CACNA2D1: variants seen among roughly 807,000 people sequenced by gnomAD.
CACNA2D1 encodes the protein calcium voltage-gated channel auxiliary subunit alpha2delta 1.
CACNA2D1 carries 53 observed loss-of-function variants against 171.5 expected under a neutral mutation model. The observed-to-expected ratio is 0.31, with a 90% CI of 0.25 to 0.39. The LOEUF is 0.39. CACNA2D1 is among the 10% of genes least tolerant of loss of function. The pLI, the probability that CACNA2D1 is intolerant of heterozygous loss-of-function variation, is 1.00. For missense variants in CACNA2D1, 903 were observed against 1,299.8 expected (o/e 0.69, Z 4.69); for synonymous variants, 442 against 443.1 (o/e 1.00, Z 0.03).
chr7:81,965,125 T>C (rs1794584922), intron 32 of CACNA2D1, among the ~76,000 whole-genome samples: 1 of 151,944 alleles, frequency 6.6e-6, no homozygotes. Context: ...GAGATATTTT[T>C]GCTTTGTTTT....
chr7:82,296,044 A>G (rs894773876), intron 3 of CACNA2D1, among the ~76,000 whole-genome samples: 3 of 149,202 alleles, frequency 2.0e-5, no homozygotes, highest in Admixed American at 6.7e-5. Context: ...TCACTCATAG[A>G]TGGGAATTGA....
intron 1 of CACNA2D1, among the ~76,000 whole-genome samples, chr7:82,394,368 G>A (rs927503821): frequency 6.6e-6 from 1 of 151,758 alleles, no homozygotes; most frequent in Non-Finnish European, 1.5e-5. Context: ...CGAAACAAAG[G>A]AAAAATAGGA....
chr7:81,979,292 A>G (rs986662460), intron 24 of CACNA2D1, among the ~76,000 whole-genome samples: 13 of 150,794 alleles, frequency 8.6e-5, no homozygotes, highest in Non-Finnish European at 1.6e-4. Context: ...ATATTTTAAA[A>G]CTTTGAATTG....
chr7:82,393,684 C>T (rs932871005), intron 1 of CACNA2D1, among the ~76,000 whole-genome samples: 1 of 152,094 alleles, frequency 6.6e-6, no homozygotes, highest in Non-Finnish European at 1.5e-5. Context: ...CTAAATGCTG[C>T]ACTGTATTTA....
intron 3 of CACNA2D1, among the ~76,000 whole-genome samples, chr7:82,244,016 G>C (rs1282406845): frequency 6.6e-6 from 1 of 152,130 alleles, no homozygotes; most frequent in African/African-American, 2.4e-5. Flanking sequence ...TTTAGATGTA[G>C]AAACTCTTTC....
intron 10 of CACNA2D1, chr7:82,050,526 G>C (rs557636408): frequency 2.9e-6 from 2 of 700,714 alleles, no homozygotes; most frequent in Non-Finnish European, 5.2e-6. Flanking sequence ...TTATACAGGG[G>C]CTTCTGATGG....
chr7:82,000,938 C>A (rs1798550513), intron 18 of CACNA2D1, among the ~76,000 whole-genome samples: 1 of 151,338 alleles, frequency 6.6e-6, no homozygotes, highest in South Asian at 2.1e-4. Context: ...CTTAATGTCA[C>A]CAACTTTTTC....
chr7:82,071,083 T>C (rs1808265677), intron 7 of CACNA2D1, among the ~76,000 whole-genome samples: 2 of 152,204 alleles, frequency 1.3e-5, no homozygotes, highest in East Asian at 3.9e-4. Context: ...GTTGATGTTG[T>C]GTTACTAACG....
At chr7:82,270,199 T>C (rs535310058) in intron 3 of CACNA2D1, among the ~76,000 whole-genome samples, 3 of 152,298 alleles carry the variant, frequency 2.0e-5, no homozygotes, top group South Asian at 4.1e-4. Context: ...TTTGCTTTTT[T>C]AGTATTTATC....
chr7:82,055,391 G>C (rs1323421885), intron 10 of CACNA2D1, among the ~76,000 whole-genome samples: 1 of 151,942 alleles, frequency 6.6e-6, no homozygotes, highest in Non-Finnish European at 1.5e-5. Context: ...AGTACCATTT[G>C]ACCCAGCCAT....
intron 1 of CACNA2D1, among the ~76,000 whole-genome samples, chr7:82,428,413 TTTTA>T (rs1013425339): frequency 2.0e-5 from 3 of 152,142 alleles, no homozygotes; most frequent in Admixed American, 2.0e-4. Flanking sequence ...ATCTGTTGCA[TTTTA>T]TTTATTTATT....
intron 3 of CACNA2D1, among the ~76,000 whole-genome samples, chr7:82,176,450 G>T (rs1423540671): frequency 1.3e-5 from 2 of 151,960 alleles, no homozygotes; most frequent in Non-Finnish European, 2.9e-5. Context: ...CATGTGCAGA[G>T]AAATTGCTCT....
intron 10 of CACNA2D1, among the ~76,000 whole-genome samples, chr7:82,057,269 C>T (rs1806025262): frequency 6.6e-6 from 1 of 152,092 alleles, no homozygotes; most frequent in South Asian, 2.1e-4. Flanking sequence ...TTCTCCTCCA[C>T]CCCCCTGGCT....
rs192149368 is a variant in CACNA2D1 at position 82,399,586 on chromosome 7, G to A, written c.95+43779C>T. ...GTTTACATTTCCCATTTATAAACAA[G>A]CAGACAGGGAGACTGGCGAATCTTG... On this transcript the variant is annotated intron_variant, in intron 1 of 38. Coordinates refer to ENST00000356860, the MANE Select transcript of CACNA2D1 (RefSeq NM_000722.4). 1.1e-3 allele frequency among the ~76,000 whole-genome samples: 170 copies of A among 151,962 alleles called. 3 individuals carry two copies. In the East Asian group the frequency reaches 0.031, roughly 28 times the overall value.
intron 18 of CACNA2D1, chr7:82,001,632 G>A: frequency 8.9e-6 from 9 of 1,006,408 alleles, no homozygotes; most frequent in Non-Finnish European, 9.6e-6. Flanking sequence ...TGAAAGCACT[G>A]TTAAGGCTAC....
chr7:82,410,028 G>A (rs1827482240), intron 1 of CACNA2D1, among the ~76,000 whole-genome samples: 1 of 152,140 alleles, frequency 6.6e-6, no homozygotes, highest in Non-Finnish European at 1.5e-5. Flanking sequence ...GAAAAATAAA[G>A]TATTATAATC....
chr7:82,156,651 AAG>A (rs66583392), intron 4 of CACNA2D1, among the ~76,000 whole-genome samples: 3 of 12,418 alleles, frequency 2.4e-4, no homozygotes, highest in African/African-American at 1.5e-3. Context: ...TTCTTTTAAT[AAG>A]AGAGATCAAT....
intron 16 of CACNA2D1, 62 bp from the exon 17 acceptor site, chr7:82,005,901 A>T: frequency 1.1e-6 from 1 of 925,698 alleles, no homozygotes; most frequent in South Asian, 1.3e-5. Context: ...TTACACAATT[A>T]TCATATGATC....
chr7:82,150,257 T>TAAAAAAAAA lies in CACNA2D1; in HGVS notation c.355-13590_355-13582dup, dbSNP rs565121488. Among the ~76,000 whole-genome samples the TAAAAAAAAA allele has an allele frequency of 5.5e-4, 51 of 92,854 alleles. 7 individuals are homozygous for TAAAAAAAAA. Among genetic ancestry groups the TAAAAAAAAA allele is most frequent in the Non-Finnish European group, 7.8e-4 (34 of 43,666 alleles). 60.9% of individuals were successfully genotyped at this position (92,854 alleles called of 152,430 possible). On this transcript the variant is annotated intron_variant, in intron 4 of 38. Transcript: ENST00000356860. ...CTAACTGCTTTGCTTTAGATCAAATTAAAAAAAAAAAACAAAAACAACAAC... is the reference window on the plus strand; with the variant it reads ...CTAACTGCTTTGCTTTAGATCAAATTAAAAAAAAAAAAAAAAAAAAACAAAAACAACAAC...
Sources: gnomAD v4.1 joint callset for allele counts (sites outside exome capture counted in the v4.1 genomes callset) on GRCh38, gnomAD v4.1.1 for gene constraint, MANE v1.5 for transcripts, NCBI Gene and HGNC (gene_info 2026-07-23, HGNC 2026-07-21) for gene names.